KCNIP4: variants seen among roughly 807,000 people sequenced by gnomAD.
KCNIP4 encodes the protein Kv channel-interacting protein 4.
A neutral mutation model predicts 34.0 loss-of-function variants in KCNIP4; 12 were observed. The observed-to-expected ratio is 0.35, with a 90% CI of 0.23 to 0.57. The LOEUF (loss-of-function observed/expected upper bound fraction) is 0.57. Ranked by LOEUF, KCNIP4 falls within the 20% of genes least tolerant of loss-of-function variation. The pLI, the probability that KCNIP4 is intolerant of heterozygous loss-of-function variation, is 0.83. For synonymous variants in KCNIP4, 124 were observed against 102.2 expected, an observed-to-expected ratio of 1.21 and a Z score of -1.29; for missense variants, 238 against 311.7, an observed-to-expected ratio of 0.76 and a Z score of 1.78.
rs1658278505 is a variant in KCNIP4, at chr4:21,757,274, AAAGAAAAG to A, written c.61+191289_61+191296del. ...AAAGAAAAGAAAAGAAAAGAAAAGAAAAGAAAAGAAAAGAGAAAAGAAAAGAAAAGAGA... is the reference window on the plus strand; with the variant it reads ...AAAGAAAAGAAAAGAAAAGAAAAGAAAAAAGAGAAAAGAAAAGAAAAGAGA... On this transcript the variant is annotated intron_variant, in intron 1 of 8. Transcript: ENST00000382152. Among the ~76,000 whole-genome samples, 2 of 85,026 alleles carry A rather than the reference AAAGAAAAG, an allele frequency of 2.4e-5. 1 individual carries two copies. Among genetic ancestry groups the A allele is most frequent in the Non-Finnish European group, 7.3e-5 (2 of 27,228 alleles). The allele number at this position is 85,026 out of a possible 152,430, so 55.8% of individuals were successfully genotyped here.
At chr4:20,756,441 ACCAGTCTTC>A (rs760171488) in intron 4 of KCNIP4, among the ~76,000 whole-genome samples, 9 of 152,088 alleles carry the variant, frequency 5.9e-5, no homozygotes, top group Non-Finnish European at 1.0e-4. Flanking sequence ...CTCCTTCTTT[ACCAGTCTTC>A]CCTGTGTATA....
intron 1 of KCNIP4, among the ~76,000 whole-genome samples, chr4:21,468,016 C>T (rs536028718): frequency 2.6e-5 from 4 of 152,216 alleles, no homozygotes; most frequent in African/African-American, 9.6e-5. Flanking sequence ...AATTCTGCCC[C>T]AGAGGATCTT....
intron 1 of KCNIP4, among the ~76,000 whole-genome samples, chr4:20,884,066 T>C (rs902515506): frequency 1.3e-5 from 2 of 152,182 alleles, no homozygotes; most frequent in Admixed American, 6.5e-5. Flanking sequence ...TTGACACTTA[T>C]GTGGTATGAA....
At chr4:21,748,526 T>C (rs145893070) in intron 1 of KCNIP4, among the ~76,000 whole-genome samples, 1,994 of 152,276 alleles carry the variant, frequency 0.013, 21 homozygotes, top group Middle Eastern at 0.062. Context: ...ACACAACAAG[T>C]ACATATGTGG....
At chr4:21,936,659 C>T (rs1187755919) in intron 1 of KCNIP4, among the ~76,000 whole-genome samples, 2 of 152,194 alleles carry the variant, frequency 1.3e-5, no homozygotes, top group East Asian at 3.9e-4. Context: ...GGCCATGTGG[C>T]TTCTCAAGGT....
In KCNIP4 at chr4:21,038,052, A is replaced by T. The variant is rs770799295; in HGVS notation, c.62-155343T>A. Among the ~76,000 whole-genome samples, 34 of 152,168 alleles carry T rather than the reference A, an allele frequency of 2.2e-4. 1 individual carries two copies. The highest frequency in any genetic ancestry group is 2.4e-5 in the African/African-American group (1 of 41,444). On this transcript the variant is annotated intron_variant, in intron 1 of 8. Coordinates refer to ENST00000382152, the MANE Select transcript of KCNIP4 (RefSeq NM_025221.6). ...AGGCTGGAGTGCAGTGGAGCAGCTC[A>T]CTGCAACCTCTACCTCCCTTGTTCA...
chr4:21,757,757 G>A (rs1229883612), intron 1 of KCNIP4, among the ~76,000 whole-genome samples: 1 of 152,190 alleles, frequency 6.6e-6, no homozygotes, highest in Non-Finnish European at 1.5e-5. Flanking sequence ...AGTGTTCATT[G>A]AATTTAAATC....
At position 21,060,085 on chromosome 4, in the gene KCNIP4, T is replaced by C. The variant is rs191380318; in HGVS notation, c.62-177376A>G. On this transcript the variant is annotated intron_variant, in intron 1 of 8. Coordinates refer to ENST00000382152, the MANE Select transcript of KCNIP4 (RefSeq NM_025221.6). ...TAAAATGATAAAAATTTTGTTTCAT[T>C]ATTTTATAGTTATAGCTCAGAAGTT... Among the ~76,000 whole-genome samples the C allele has an allele frequency of 1.3e-3, 197 of 152,272 alleles. 1 individual carries two copies. Among genetic ancestry groups the C allele is most frequent in the African/African-American group, 4.1e-3 (170 of 41,562 alleles).
intron 1 of KCNIP4, among the ~76,000 whole-genome samples, chr4:20,963,526 T>C (rs1302114697): frequency 3.9e-5 from 6 of 152,044 alleles, no homozygotes; most frequent in Admixed American, 2.0e-4. Flanking sequence ...AACTCCTACA[T>C]GCTCTTAGGA....
chr4:21,136,563 G>A (rs1751513894), intron 1 of KCNIP4, among the ~76,000 whole-genome samples: 2 of 152,132 alleles, frequency 1.3e-5, no homozygotes, highest in African/African-American at 2.4e-5. Flanking sequence ...TGTTCCAGAT[G>A]TTTCCTGTCC....
chr4:21,376,894 C>T (rs569003067), intron 1 of KCNIP4, among the ~76,000 whole-genome samples: 10 of 152,148 alleles, frequency 6.6e-5, no homozygotes, highest in Non-Finnish European at 1.5e-4. Context: ...TTATTATATC[C>T]ATAGCAGAAG....
chr4:21,847,170 T>C (rs1398575323), intron 1 of KCNIP4: 1 of 152,122 alleles, frequency 6.6e-6, no homozygotes, highest in Non-Finnish European at 1.5e-5. Context: ...ACAGAAGTAA[T>C]ACCTTTTTTC....
chr4:21,765,355 T>A (rs905428940), intron 1 of KCNIP4, among the ~76,000 whole-genome samples: 3 of 151,978 alleles, frequency 2.0e-5, no homozygotes, highest in African/African-American at 7.2e-5. Context: ...ATGTTAATGG[T>A]ACCCACTGCT....
intron 1 of KCNIP4, among the ~76,000 whole-genome samples, chr4:21,327,327 T>A (rs1377061495): frequency 1.3e-5 from 2 of 152,144 alleles, no homozygotes; most frequent in Admixed American, 1.3e-4. Context: ...AGATTTGCTA[T>A]TCTAGGATAA....
At chr4:21,122,893 C>T (rs1461539078) in intron 1 of KCNIP4, among the ~76,000 whole-genome samples, 1 of 151,994 alleles carries the variant, frequency 6.6e-6, no homozygotes, top group Non-Finnish European at 1.5e-5. Flanking sequence ...GACATTTTTT[C>T]CCCTTTAAGC....
At chr4:21,719,963 C>CAAA (rs35540264) in intron 1 of KCNIP4, among the ~76,000 whole-genome samples, 3 of 23,980 alleles carry the variant, frequency 1.3e-4, no homozygotes, top group African/African-American at 1.3e-4. Context: ...AGCTCCATCT[C>CAAA]AAAAAAAAAA....
chr4:21,786,024 C>T (rs1719884788), intron 1 of KCNIP4, among the ~76,000 whole-genome samples: 1 of 152,170 alleles, frequency 6.6e-6, no homozygotes, highest in Non-Finnish European at 1.5e-5. Flanking sequence ...TCTTGGCTCA[C>T]TGCAACCTCC....
At chr4:20,901,280 C>G (rs1010965672) in intron 1 of KCNIP4, among the ~76,000 whole-genome samples, 2 of 152,170 alleles carry the variant, frequency 1.3e-5, no homozygotes, top group African/African-American at 4.8e-5. Flanking sequence ...TCAGTTCTTC[C>G]CATACTGGGT....
At chr4:20,904,403 T>C (rs1338360328) in intron 1 of KCNIP4, among the ~76,000 whole-genome samples, 1 of 150,926 alleles carries the variant, frequency 6.6e-6, no homozygotes, top group Non-Finnish European at 1.5e-5. Flanking sequence ...GGCATAAAAA[T>C]TTCATTTTGG....
Sources: gnomAD v4.1 joint callset for allele counts (sites outside exome capture counted in the v4.1 genomes callset) on GRCh38, gnomAD v4.1.1 for gene constraint, MANE v1.5 for transcripts, NCBI Gene and HGNC (gene_info 2026-07-23, HGNC 2026-07-21) for gene names.